Variants in CDC37L1 observed in about 807,000 individuals in gnomAD.
CDC37L1 encodes the protein cell division cycle 37 like 1, HSP90 cochaperone, also known as hsp90 co-chaperone Cdc37-like 1.
Under a neutral mutation model 45.9 loss-of-function variants are expected in CDC37L1, and 32 were observed. The observed-to-expected ratio is 0.70, with a 90% CI of 0.53 to 0.94. The LOEUF is 0.94. Ranked by LOEUF, CDC37L1 falls within the 40% of genes least tolerant of loss-of-function variation. The pLI is 0.00. For missense variants in CDC37L1, 434 were observed against 405.7 expected (o/e 1.07, Z -0.60); for synonymous variants, 150 against 133.0 (o/e 1.13, Z -0.88).
chr9:4,682,295 T>C (rs1462676148), intron 1 of CDC37L1, among the ~76,000 whole-genome samples: 1 of 147,926 alleles, frequency 6.8e-6, no homozygotes, highest in Non-Finnish European at 1.5e-5. Context: ...CCTGAGTAGC[T>C]GGGATTACAG....
Position 4,707,566 on chromosome 9 carries a change from C to G in CDC37L1, c.*1454C>G, listed in dbSNP as rs1841455530. The G allele has an allele frequency of 6.6e-6, 1 of 152,194 alleles. No individual in the cohort carries two copies. The highest frequency in any genetic ancestry group is 2.4e-5 in the African/African-American group (1 of 41,450). The allele number at this position is 152,194 out of a possible 1,614,324, so 9.4% of individuals were successfully genotyped here. A position where few individuals can be genotyped will look rare whatever the true frequency, so the allele number is the denominator to read the frequency against. The stretch of plus-strand genomic sequence containing the variant: ...TAGAAATGGACTGGAATTATTGAAT[C>G]TTCTTCTGTAACATCACAATCTTCC... On this transcript the variant is annotated 3_prime_UTR_variant, in exon 7 of 7. Coordinates refer to ENST00000381854, the MANE Select transcript of CDC37L1 (RefSeq NM_017913.4).
chr9:4,685,744 G>T (rs555487574), intron 2 of CDC37L1, among the ~76,000 whole-genome samples: 5 of 152,270 alleles, frequency 3.3e-5, no homozygotes, highest in Admixed American at 3.3e-4. Context: ...AAACTTCAGG[G>T]TTTTATACCT....
intron 2 of CDC37L1, among the ~76,000 whole-genome samples, chr9:4,688,144 C>T (rs983364040): frequency 6.6e-6 from 1 of 152,146 alleles, no homozygotes; most frequent in African/African-American, 2.4e-5. Context: ...GGATTACAGG[C>T]ATCCACCACC....
chr9:4,679,756 G>T lies in CDC37L1; in HGVS notation c.-12G>T. The T allele has an allele frequency of 6.2e-7, 1 of 1,607,982 alleles. No homozygotes were observed. Among genetic ancestry groups the T allele is most frequent in the South Asian group, 1.1e-5 (1 of 90,682 alleles). ...GGGCCAAGGGCGGTTGTAGGACCCG[G>T]AGCAGCCGGACATGGAACAACCGTG... On this transcript the variant is annotated 5_prime_UTR_variant, in exon 1 of 7. Coordinates refer to ENST00000381854, the MANE Select transcript of CDC37L1 (RefSeq NM_017913.4).
In CDC37L1 at chr9:4,687,511, T is replaced by A. The variant is rs187261269; in HGVS notation, c.415-1002T>A. On this transcript the variant is annotated intron_variant, in intron 2 of 6. Transcript: ENST00000381854. The stretch of plus-strand genomic sequence containing the variant: ...CTGGGCAACATAGCAAGACCACGTC[T>A]CTACAAAAAATTTAAAAATTAGCTG... 3.0e-3 allele frequency among the ~76,000 whole-genome samples: 460 copies of A among 151,786 alleles called. 6 individuals carry two copies. Among genetic ancestry groups the A allele is most frequent in the African/African-American group, 0.01 (425 of 41,418 alleles).
Position 4,701,877 on chromosome 9 carries a change from G to A in CDC37L1, c.761G>A (p.Gly254Asp), listed in dbSNP as rs1260027623. ...FFQKAKAEEE[G>D]YFEAFKNELE... ...TGTTTTTTCTAGGCAGAGGAAGAAG[G>A]TTATTTTGAAGCATTCAAAAATGAA... The change falls in exon 6 of 7, where the codon GGT becomes GAT. Residue 254 changes from glycine to aspartate, a missense_variant. Coordinates refer to ENST00000381854, the MANE Select transcript of CDC37L1 (RefSeq NM_017913.4). The A allele has an allele frequency of 7.5e-6, 12 of 1,599,356 alleles. No individual in the cohort carries two copies. Among genetic ancestry groups the A allele is most frequent in the East Asian group, 4.5e-5 (2 of 44,604 alleles).
chr9:4,696,127 T>C (rs1440707797), intron 3 of CDC37L1, among the ~76,000 whole-genome samples: 1 of 152,130 alleles, frequency 6.6e-6, no homozygotes, highest in East Asian at 1.9e-4. Flanking sequence ...AATCATTTAT[T>C]TTTGATTGAC....
intron 6 of CDC37L1, among the ~76,000 whole-genome samples, chr9:4,702,264 A>G (rs1052264425): frequency 1.3e-5 from 2 of 152,162 alleles, no homozygotes; most frequent in Non-Finnish European, 2.9e-5. Flanking sequence ...GTTATACCTA[A>G]CCATTCTTAA....
At chr9:4,702,954 G>T in intron 6 of CDC37L1, 1 of 618,740 alleles carries the variant, frequency 1.6e-6, no homozygotes, top group Non-Finnish European at 2.4e-6. Context: ...ACATCAAAAA[G>T]GAGACATGAT....
At position 4,687,714 on chromosome 9, in the gene CDC37L1, C is replaced by T. The variant is rs143490977; in HGVS notation, c.415-799C>T. Among the ~76,000 whole-genome samples, 220 of 139,444 alleles carry T rather than the reference C, an allele frequency of 1.6e-3. 2 individuals are homozygous for T. The highest frequency in any genetic ancestry group is 5.5e-3 in the African/African-American group (210 of 37,878). The allele number at this position is 139,444 out of a possible 152,430, so 91.5% of individuals were successfully genotyped here. A position where few individuals can be genotyped will look rare whatever the true frequency, so the allele number is the denominator to read the frequency against. On this transcript the variant is annotated intron_variant, in intron 2 of 6. Transcript: ENST00000381854. ...AAAAAAAAAAAAAGACACGCAACAA[C>T]AACAGTCTATTTCTTGTTTATGTCT... is the stretch of plus-strand genomic sequence containing the variant.
chr9:4,707,690 T>G lies in CDC37L1; in HGVS notation c.*1578T>G, dbSNP rs921348136. ...TATAGTAGTGTTTGTCAGCCTGTAC[T>G]TTTTTTTTTTTTAAACCCATGACCT... On this transcript the variant is annotated 3_prime_UTR_variant, in exon 7 of 7. Coordinates refer to ENST00000381854, the MANE Select transcript of CDC37L1 (RefSeq NM_017913.4). 1.4e-5 allele frequency: 2 copies of G among 141,488 alleles called. No individual in the cohort carries two copies. 8.8% of individuals were successfully genotyped at this position (141,488 alleles called of 1,614,324 possible). A position where few individuals can be genotyped will look rare whatever the true frequency, so the allele number is the denominator to read the frequency against.
chr9:4,700,215 G>A (rs1292041979), intron 5 of CDC37L1, among the ~76,000 whole-genome samples: 1 of 152,160 alleles, frequency 6.6e-6, no homozygotes, highest in East Asian at 1.9e-4. Context: ...GAGTGCAGTG[G>A]TGCAATCATT....
intron 3 of CDC37L1, among the ~76,000 whole-genome samples, chr9:4,694,667 T>G (rs2130849979): frequency 6.6e-6 from 1 of 152,184 alleles, no homozygotes; most frequent in Middle Eastern, 3.4e-3. Context: ...GGTTAGGAGT[T>G]CGAGACCAGC....
At chr9:4,700,339 G>A (rs1206573075) in intron 5 of CDC37L1, among the ~76,000 whole-genome samples, 2 of 152,076 alleles carry the variant, frequency 1.3e-5, no homozygotes, top group African/African-American at 2.4e-5. Context: ...GTAGAGACAC[G>A]GTCTCACTGT....
chr9:4,681,624 G>A (rs182541646), intron 1 of CDC37L1, among the ~76,000 whole-genome samples: 41 of 152,012 alleles, frequency 2.7e-4, no homozygotes, highest in African/African-American at 9.6e-4. Flanking sequence ...CAACAAGAGC[G>A]AAACTCTTGT....
chr9:4,698,597 C>G (rs1388768187), intron 5 of CDC37L1, among the ~76,000 whole-genome samples: 1 of 151,880 alleles, frequency 6.6e-6, no homozygotes, highest in Non-Finnish European at 1.5e-5. Context: ...ATTGGAACAA[C>G]CACTTTAAAA....
intron 3 of CDC37L1, among the ~76,000 whole-genome samples, chr9:4,693,013 C>T (rs1369337828): frequency 2.0e-5 from 3 of 151,774 alleles, no homozygotes; most frequent in Admixed American, 6.6e-5. Flanking sequence ...TGGTGGTAGA[C>T]GATTGGAAAT....
rs531138165 is a variant in CDC37L1, at chr9:4,697,286, T to A, written c.624+75T>A. 9 of 750,696 alleles carry A rather than the reference T, an allele frequency of 1.2e-5. No individual in the cohort carries two copies. The East Asian group carries it at 2.1e-4, about 17-fold the overall frequency. 46.5% of individuals were successfully genotyped at this position (750,696 alleles called of 1,614,324 possible). The stretch of plus-strand genomic sequence containing the variant: ...TTTCATACTTTATTGATGTTTTGTT[T>A]TGTTTTCTACATTAAGTCCTTTAAA... On this transcript the variant is annotated intron_variant, in intron 4 of 6. Transcript: ENST00000381854.
chr9:4,682,931 TAAC>T (rs1010620817), intron 1 of CDC37L1, among the ~76,000 whole-genome samples: 17 of 148,180 alleles, frequency 1.1e-4, no homozygotes, highest in African/African-American at 4.2e-4. Flanking sequence ...TATTCTAAGA[TAAC>T]AAAAAGTAAA....
Sources: allele counts gnomAD v4.1 joint callset (sites outside exome capture counted in the v4.1 genomes callset), GRCh38; gene constraint gnomAD v4.1.1; transcripts MANE v1.5; gene names NCBI Gene and HGNC (gene_info 2026-07-23, HGNC 2026-07-21).